CYBA: variants seen among roughly 807,000 people sequenced by gnomAD.
CYBA encodes cytochrome b-245 light chain.
Under a neutral mutation model 20.8 loss-of-function variants are expected in CYBA, and 21 were observed. The observed-to-expected ratio is 1.01, with a 90% confidence interval of 0.72 to 1.46. CYBA has a LOEUF of 1.46. Ranked by LOEUF, CYBA falls within the 40% of genes most tolerant of loss-of-function variation. The pLI is 0.00. For synonymous variants in CYBA, 164 were observed against 127.5 expected (o/e 1.29, Z -1.93); for missense variants, 344 against 287.0 (o/e 1.20, Z -1.43).
In CYBA at chr16:88,643,426, G is replaced by C. The variant is rs1358936403; in HGVS notation, c.515C>G (p.Ala172Gly). 1 of 1,535,260 alleles carries C rather than the reference G, an allele frequency of 6.5e-7. No individual in the cohort carries two copies. Among genetic ancestry groups the C allele is most frequent in the Non-Finnish European group, 8.7e-7 (1 of 1,143,848 alleles). The change falls in exon 6 of 6, where the codon GCT becomes GGT. Residue 172 changes from alanine to glycine, a missense_variant. Ala to Gly is a moderately conservative substitution (Grantham distance 60). Coordinates refer to ENST00000261623, the MANE Select transcript of CYBA (RefSeq NM_000101.4). This position sits in a 1 kb window ranked among gnomAD's most constrained non-coding sequence, Gnocchi z 4.3. ...CGGGGGTCCCCCCGCCGCCACCGCA[G>C]CCTCCTCCTCGCTGGGCTTCTTGCG... ...EARKKPSEEE[A>G]AVAAGGPPGG... is the part of the protein sequence containing the mutation.
chr16:88,646,010 G>T, intron 5 of CYBA, 106 bp downstream of exon 5: 1 of 955,712 alleles, frequency 1.0e-6, no homozygotes, highest in Non-Finnish European at 1.6e-6. Flanking sequence ...TCCCAGCCTT[G>T]GCTCAGCCTA....
chr16:88,650,996 C>T lies in CYBA; in HGVS notation c.18G>A (p.Trp6Ter). 1 of 1,598,018 alleles carries T rather than the reference C, an allele frequency of 6.3e-7. No homozygotes were observed. Among genetic ancestry groups the T allele is most frequent in the Non-Finnish European group, 8.5e-7 (1 of 1,173,888 alleles). Residue 6 changes from tryptophan to a stop codon, truncating the protein, a stop_gained, in exon 1 of 6, where the codon TGG (tryptophan) becomes TGA (stop). Coordinates refer to ENST00000261623, the MANE Select transcript of CYBA (RefSeq NM_000101.4). LOFTEE classifies it high-confidence loss of function. ...GCGCCTGTTCGTTGGCCCACATGGC[C>T]CACTCGATCTGCCCCATGGCGACAC... The part of the protein sequence containing the change: MGQIE[W>*]AMWANEQALA...
At chr16:88,647,283 T>C in intron 2 of CYBA, 108 bp from the exon 3 acceptor site, 1 of 1,081,446 alleles carries the variant, frequency 9.2e-7, no homozygotes, top group Non-Finnish European at 1.4e-6. Context: ...GGCTCATGCC[T>C]GGAATCCCAG....
chr16:88,648,433 CTT>C (rs1350668257), intron 1 of CYBA, among the ~76,000 whole-genome samples: 2 of 152,164 alleles, frequency 1.3e-5, no homozygotes, highest in African/African-American at 4.8e-5. Context: ...CACCATGAGT[CTT>C]TGTTTGATGC....
chr16:88,650,178 C>T (rs560571921), intron 1 of CYBA: 4 of 347,152 alleles, frequency 1.2e-5, no homozygotes, highest in African/African-American at 2.1e-5. Context: ...AGGCACTCCT[C>T]CCCCGGTGCA....
chr16:88,650,869 C>A (rs781046928), intron 1 of CYBA, 87 bp downstream of exon 1: 1 of 1,424,744 alleles, frequency 7.0e-7, no homozygotes, highest in South Asian at 1.2e-5. Context: ...CCCCACTTCC[C>A]CACCCTGTAA....
chr16:88,645,198 G>T (rs762700777), intron 5 of CYBA: 1 of 702,402 alleles, frequency 1.4e-6, no homozygotes, highest in Non-Finnish European at 2.6e-6. Context: ...AGACGGGGGG[G>T]ATGCGGGTGG....
intron 5 of CYBA, chr16:88,645,628 T>C: frequency 1.7e-6 from 1 of 595,834 alleles, no homozygotes; most frequent in Admixed American, 2.9e-5. Context: ...TCCCATGGGA[T>C]GGGCAGCCTT....
At chr16:88,649,166 T>C (rs975259645) in intron 1 of CYBA, among the ~76,000 whole-genome samples, 2 of 151,182 alleles carry the variant, frequency 1.3e-5, no homozygotes, top group African/African-American at 4.9e-5. Flanking sequence ...CTCGATCTCC[T>C]GACCTCGTGA....
chr16:88,645,528 C>G (rs567653297), intron 5 of CYBA: 53 of 660,104 alleles, frequency 8.0e-5, no homozygotes, highest in Non-Finnish European at 1.4e-4. Context: ...TTCCGGAGCC[C>G]AGGGCAGGCA....
intron 1 of CYBA, among the ~76,000 whole-genome samples, chr16:88,648,619 T>C (rs2142878314): frequency 6.6e-6 from 1 of 151,222 alleles, no homozygotes; most frequent in African/African-American, 2.4e-5. Flanking sequence ...TCCCCCTTAC[T>C]GTTTTTTTTT....
intron 1 of CYBA, 22 bp downstream of exon 1, chr16:88,650,934 A>C: frequency 6.3e-7 from 1 of 1,580,174 alleles, no homozygotes; most frequent in East Asian, 2.4e-5. Flanking sequence ...TGCAGCCTCC[A>C]CCGTCCCTGA....
intron 1 of CYBA, 45 bp downstream of exon 1, chr16:88,650,911 C>T: frequency 6.4e-7 from 1 of 1,552,742 alleles, no homozygotes; most frequent in East Asian, 2.4e-5. Flanking sequence ...GGTCTTGGGA[C>T]ACCCCTCCAG....
At position 88,643,638 on chromosome 16, in the gene CYBA, A is replaced by T. The variant is rs1434131830; in HGVS notation, c.370-67T>A. ...CCTCCCTCCCTCCCTCCCTCCCCGGAGGCCCACCCCGCTAGGGGCCCTGGG... is the reference window on the plus strand; with the variant it reads ...CCTCCCTCCCTCCCTCCCTCCCCGGTGGCCCACCCCGCTAGGGGCCCTGGG... On this transcript the variant is annotated intron_variant, in intron 5 of 5. Coordinates refer to ENST00000261623, the MANE Select transcript of CYBA (RefSeq NM_000101.4). This position sits in a 1 kb window ranked among gnomAD's most constrained non-coding sequence, Gnocchi z 4.3. 1 of 1,212,032 alleles carries T rather than the reference A, an allele frequency of 8.3e-7. No homozygotes were observed. Among genetic ancestry groups the T allele is most frequent in the Non-Finnish European group, 1.1e-6 (1 of 936,894 alleles). The allele number at this position is 1,212,032 out of a possible 1,614,324, so 75.1% of individuals were successfully genotyped here.
In CYBA at chr16:88,643,645, C is replaced by A; in HGVS notation, c.370-74G>T. 1 of 1,366,250 alleles carries A rather than the reference C, an allele frequency of 7.3e-7. No homozygotes were observed. Among genetic ancestry groups the A allele is most frequent in the Non-Finnish European group, 1.0e-6 (1 of 998,096 alleles). The allele number at this position is 1,366,250 out of a possible 1,614,324, so 84.6% of individuals were successfully genotyped here. ...CCCTCCCTCCCTCCCCGGAGGCCCA[C>A]CCCGCTAGGGGCCCTGGGACAGGCT... On this transcript the variant is annotated intron_variant, in intron 5 of 5. Transcript: ENST00000261623. The surrounding 1 kb of genome is among the most constrained non-coding windows in gnomAD (Gnocchi z 4.3).
chr16:88,646,156 C>G lies in CYBA; in HGVS notation c.329G>C (p.Gly110Ala). The G allele has an allele frequency of 6.4e-7, 1 of 1,560,554 alleles. No individual in the cohort carries two copies. The highest frequency in any genetic ancestry group is 8.7e-7 in the Non-Finnish European group (1 of 1,154,322). Residue 110 changes from glycine (G) to alanine (A), a missense_variant, in exon 5 of 6, where the codon GGG (glycine) becomes GCG (alanine). Physicochemically the swap from Gly to Ala is moderately conservative, Grantham distance 60. Coordinates refer to ENST00000261623, the MANE Select transcript of CYBA (RefSeq NM_000101.4). ...PAGFLLATIL[G>A]TACLAIASGI... ...GCTCGCAATGGCCAGGCAGGCGGTC[C>G]CAAGGATGGTGGCCAGCAGGAAGCC...
intron 5 of CYBA, 79 bp downstream of exon 5, chr16:88,646,037 G>T: frequency 8.2e-7 from 1 of 1,219,820 alleles, no homozygotes; most frequent in Non-Finnish European, 1.2e-6. Flanking sequence ...CGGCTTCAAG[G>T]GCCATGCGTG....
At chr16:88,647,913 C>A in intron 2 of CYBA, 132 bp downstream of exon 2, 2 of 897,872 alleles carry the variant, frequency 2.2e-6, no homozygotes, top group South Asian at 1.4e-5. Context: ...CTGCCCAACC[C>A]GTGCACAGCC....
intron 2 of CYBA, 84 bp downstream of exon 2, chr16:88,647,961 G>C (rs764957980): frequency 7.5e-7 from 1 of 1,329,834 alleles, no homozygotes; most frequent in Admixed American, 1.9e-5. Flanking sequence ...GGTGGGGAGC[G>C]GAGGCAAACA....
Sources: allele counts gnomAD v4.1 joint callset (sites outside exome capture counted in the v4.1 genomes callset), GRCh38; gene constraint gnomAD v4.1.1; non-coding constraint Gnocchi (gnomAD v3.1); transcripts MANE v1.5; gene names NCBI Gene and HGNC (gene_info 2026-07-23, HGNC 2026-07-21).